ZC3H12D: variants seen among roughly 807,000 people sequenced by gnomAD.
ZC3H12D encodes zinc finger CCCH-type containing 12D.
A neutral mutation model predicts 24.2 loss-of-function variants in ZC3H12D; 11 were observed. The ratio of observed to expected loss-of-function variants is 0.46; its 90% confidence interval spans 0.29 to 0.75. The LOEUF (loss-of-function observed/expected upper bound fraction) is 0.75. Among genes scored for constraint, ZC3H12D ranks in the 30% least tolerant of loss-of-function variants. ZC3H12D has a pLI of 0.11. For missense variants in ZC3H12D, 740 were observed against 767.7 expected (o/e 0.96, Z 0.43); for synonymous variants, 333 against 341.8 (o/e 0.97, Z 0.28).
intron 2 of ZC3H12D, among the ~76,000 whole-genome samples, chr6:149,473,343 A>G (rs1562477046): frequency 6.6e-6 from 1 of 152,184 alleles, no homozygotes; most frequent in Non-Finnish European, 1.5e-5. Context: ...CTATGGTGGG[A>G]GTAACTCAGC....
chr6:149,476,019 T>C (rs1472213608), intron 1 of ZC3H12D, among the ~76,000 whole-genome samples: 1 of 152,166 alleles, frequency 6.6e-6, no homozygotes, highest in Non-Finnish European at 1.5e-5. Flanking sequence ...AAAGACATGA[T>C]GTTTCTCCTA....
In ZC3H12D at chr6:149,474,409, G is replaced by A. The variant is rs73779377; in HGVS notation, c.135C>T (p.Ser45=). ...DVLQELIRTG[S]RPGALEHPAA... is the part of the protein sequence containing the mutation. The stretch of plus-strand genomic sequence containing the variant: ...CCGGGTGCTCCAGGGCACCCGGGCG[G>A]CTGCCCGTGCGGATAAGCTCCTGCA... Residue 45 remains serine (S), a synonymous_variant, in exon 2 of 6, where the codon AGC becomes AGT. Coordinates refer to ENST00000409806, the MANE Select transcript of ZC3H12D (RefSeq NM_207360.3). 0.016 allele frequency: 26,003 copies of A among 1,607,960 alleles called. 875 individuals are homozygous for A. The highest frequency in any genetic ancestry group is 0.099 in the South Asian group (8,947 of 90,760).
intron 3 of ZC3H12D, among the ~76,000 whole-genome samples, chr6:149,459,100 T>C (rs1403153472): frequency 1.3e-5 from 2 of 152,204 alleles, no homozygotes; most frequent in African/African-American, 2.4e-5. Context: ...TGTTAATGAA[T>C]AAAAGCTTTT....
At chr6:149,469,447 G>T (rs939432537) in intron 2 of ZC3H12D, among the ~76,000 whole-genome samples, 1 of 151,456 alleles carries the variant, frequency 6.6e-6, no homozygotes, top group African/African-American at 2.4e-5. Flanking sequence ...GACAGAGCGA[G>T]ACTCCATCTC....
rs773818500 is a variant in ZC3H12D at position 149,450,708 on chromosome 6, G to T, written c.1559C>A (p.Ala520Glu). ...TTAGGGCTTGCCCAGGGGCGCCCCC[G>T]CGCTCTGGCATCTCTGTACCAGGAG... ...LILLVQRCQS[A>E]GAPLGKP is the part of the protein sequence containing the mutation. Residue 520 changes from alanine (A) to glutamate (E), a missense_variant, in exon 6 of 6, where the codon GCG becomes GAG. Physicochemically the swap from Ala to Glu is moderately radical, Grantham distance 107. Transcript: ENST00000409806. 1.8e-5 allele frequency: 28 copies of T among 1,537,816 alleles called. No homozygotes were observed. In the South Asian group the frequency reaches 3.4e-4, roughly 18 times the overall value.
At chr6:149,455,929 C>G (rs1432168253) in intron 4 of ZC3H12D, among the ~76,000 whole-genome samples, 3 of 148,326 alleles carry the variant, frequency 2.0e-5, no homozygotes, top group Non-Finnish European at 4.4e-5. Context: ...TTGCCTACTC[C>G]CATATGTAAT....
At position 149,447,528 on chromosome 6, in the gene ZC3H12D, T is replaced by A. The variant is rs1775805419; in HGVS notation, c.*3155A>T. ...GTGCTGGGATTACAGACATGAGCCA[T>A]CGTGCCCAGTCTAAACCCACAATTT... On this transcript the variant is annotated 3_prime_UTR_variant, in exon 6 of 6. Coordinates refer to ENST00000409806, the MANE Select transcript of ZC3H12D (RefSeq NM_207360.3). The A allele has an allele frequency of 6.6e-6, 1 of 152,136 alleles. No individual in the cohort carries two copies. The highest frequency in any genetic ancestry group is 2.4e-5 in the African/African-American group (1 of 41,420). 9.4% of individuals were successfully genotyped at this position (152,136 alleles called of 1,614,324 possible).
At chr6:149,470,876 G>T (rs1363106169) in intron 2 of ZC3H12D, among the ~76,000 whole-genome samples, 2 of 152,246 alleles carry the variant, frequency 1.3e-5, no homozygotes, top group African/African-American at 4.8e-5. Flanking sequence ...GCTCTGTGGG[G>T]ACAGGGCAGG....
intron 1 of ZC3H12D, among the ~76,000 whole-genome samples, chr6:149,483,614 A>T (rs985767684): frequency 6.6e-6 from 1 of 152,214 alleles, no homozygotes; most frequent in Non-Finnish European, 1.5e-5. Context: ...TATTTTGCTC[A>T]GCATTATATC....
At chr6:149,483,774 C>G (rs1776460489) in intron 1 of ZC3H12D, among the ~76,000 whole-genome samples, 1 of 152,086 alleles carries the variant, frequency 6.6e-6, no homozygotes, top group Non-Finnish European at 1.5e-5. Context: ...TGGTCTCAAA[C>G]TCCTGGCCTC....
chr6:149,455,816 C>T (rs941570325), intron 4 of ZC3H12D, among the ~76,000 whole-genome samples: 30 of 150,258 alleles, frequency 2.0e-4, no homozygotes, highest in Non-Finnish European at 7.4e-5. Context: ...GCAGGAGGAT[C>T]GCTTGAGCCC....
At chr6:149,465,771 G>A (rs56019219) in intron 2 of ZC3H12D, among the ~76,000 whole-genome samples, 2 of 150,508 alleles carry the variant, frequency 1.3e-5, no homozygotes, top group Admixed American at 6.6e-5. Flanking sequence ...AAAAAAGGGG[G>A]GGGGAAGAGG....
At position 149,450,446 on chromosome 6, in the gene ZC3H12D, C is replaced by G; in HGVS notation, c.*237G>C. ...GTCTCCGTGCACATGGAAAATCATTCCCTCCACGGAAGTGGGTGGACCTCC... is the reference window on the plus strand; with the variant it reads ...GTCTCCGTGCACATGGAAAATCATTGCCTCCACGGAAGTGGGTGGACCTCC... On this transcript the variant is annotated 3_prime_UTR_variant, in exon 6 of 6. Transcript: ENST00000409806. The G allele has an allele frequency of 2.0e-6, 1 of 495,572 alleles. No individual in the cohort carries two copies. Among genetic ancestry groups the G allele is most frequent in the Non-Finnish European group, 3.5e-6 (1 of 282,386 alleles). 30.7% of individuals were successfully genotyped at this position (495,572 alleles called of 1,614,324 possible).
At position 149,474,409 on chromosome 6, in the gene ZC3H12D, G is replaced by T. The variant is rs73779377; in HGVS notation, c.135C>A (p.Ser45Arg). Residue 45 changes from serine (S) to arginine (R), a missense_variant, in exon 2 of 6, where the codon AGC becomes AGA. By Grantham distance (110) the Ser-to-Arg change is moderately radical. Coordinates refer to ENST00000409806, the MANE Select transcript of ZC3H12D (RefSeq NM_207360.3). ...DVLQELIRTG[S>R]RPGALEHPAA... ...CCGGGTGCTCCAGGGCACCCGGGCG[G>T]CTGCCCGTGCGGATAAGCTCCTGCA... The T allele has an allele frequency of 6.2e-7, 1 of 1,608,006 alleles. No homozygotes were observed. The highest frequency in any genetic ancestry group is 1.1e-5 in the South Asian group (1 of 90,780).
chr6:149,469,521 T>C (rs963268891), intron 2 of ZC3H12D, among the ~76,000 whole-genome samples: 2 of 152,100 alleles, frequency 1.3e-5, no homozygotes, highest in Non-Finnish European at 2.9e-5. Flanking sequence ...CCACACACCA[T>C]GATGCCATTT....
In ZC3H12D at chr6:149,474,390, G is replaced by A. The variant is rs1776297728; in HGVS notation, c.154C>T (p.His52Tyr). The A allele has an allele frequency of 1.9e-6, 3 of 1,607,988 alleles. No homozygotes were observed. The highest frequency in any genetic ancestry group is 1.7e-4 in the Middle Eastern group (1 of 6,060). Reference protein sequence around the residue: ...RTGSRPGALEHPAAPRLVPRG... With the variant: ...RTGSRPGALEYPAAPRLVPRG... ...GGCACTAGCCTGGGTGCAGCCGGGT[G>A]CTCCAGGGCACCCGGGCGGCTGCCC... is the stretch of plus-strand genomic sequence containing the variant. Residue 52 changes from histidine to tyrosine, a missense_variant, in exon 2 of 6, where the codon CAC (histidine) becomes TAC (tyrosine). By Grantham distance (83) the His-to-Tyr change is moderately conservative. Coordinates refer to ENST00000409806, the MANE Select transcript of ZC3H12D (RefSeq NM_207360.3).
intron 2 of ZC3H12D, among the ~76,000 whole-genome samples, chr6:149,465,765 AAGG>A (rs1562474967): frequency 1.7e-5 from 2 of 121,024 alleles, no homozygotes; most frequent in Non-Finnish European, 1.7e-5. Flanking sequence ...AAAAAAAAAA[AAGG>A]GGGGGGGAAG....
chr6:149,451,199 C>T lies in ZC3H12D; in HGVS notation c.1068G>A (p.Gly356=), dbSNP rs974205356. 1 of 1,310,260 alleles carries T rather than the reference C, an allele frequency of 7.6e-7. No individual in the cohort carries two copies. The allele number at this position is 1,310,260 out of a possible 1,614,324, so 81.2% of individuals were successfully genotyped here. The change falls in exon 6 of 6, where the codon GGG becomes GGA. Residue 356 remains glycine (G), a synonymous_variant. Coordinates refer to ENST00000409806, the MANE Select transcript of ZC3H12D (RefSeq NM_207360.3). ...FSRLAFSDDL[G]PLGPPLPVPA... is the part of the protein sequence containing the mutation. Reference sequence around the variant, plus strand: ...GGACCGGGAGAGGCGGCCCCAGGGGCCCCAGGTCGTCGCTGAAGGCCAGCC... The same window carrying T: ...GGACCGGGAGAGGCGGCCCCAGGGGTCCCAGGTCGTCGCTGAAGGCCAGCC...
Position 149,474,455 on chromosome 6 carries a change from C to T in ZC3H12D, c.89G>A (p.Gly30Asp), listed in dbSNP as rs1279197366. The T allele has an allele frequency of 6.3e-7, 1 of 1,598,568 alleles. No individual in the cohort carries two copies. The highest frequency in any genetic ancestry group is 8.6e-7 in the Non-Finnish European group (1 of 1,168,770). Reference protein sequence around the residue: ...VLRVLGKLGEGALVNDVLQEL... With the variant: ...VLRVLGKLGEDALVNDVLQEL... ...CTGCAGCACGTCGTTGACCAGGGCG[C>T]CCTCGCCCAGCTTGCCCAACACCCG... is the stretch of plus-strand genomic sequence containing the variant. Residue 30 changes from glycine (G) to aspartate (D), a missense_variant, in exon 2 of 6, where the codon GGC becomes GAC. Transcript: ENST00000409806.
Sources: gnomAD v4.1 joint callset for allele counts (sites outside exome capture counted in the v4.1 genomes callset) on GRCh38, gnomAD v4.1.1 for gene constraint, MANE v1.5 for transcripts, NCBI Gene and HGNC (gene_info 2026-07-23, HGNC 2026-07-21) for gene names.